SPTBN2: variants seen among roughly 807,000 people sequenced by gnomAD.
SPTBN2 encodes spectrin beta chain, non-erythrocytic 2.
SPTBN2 carries 107 observed loss-of-function variants against 284.2 expected under a neutral mutation model. The ratio of observed to expected loss-of-function variants is 0.38; its 90% CI spans 0.32 to 0.44. The LOEUF (loss-of-function observed/expected upper bound fraction) is 0.44. Ranked by LOEUF, SPTBN2 falls within the 20% of genes least tolerant of loss-of-function variation. The pLI is 1.00. For missense variants in SPTBN2, 2,569 were observed against 3,287.1 expected (o/e 0.78, Z 5.34); for synonymous variants, 1,289 against 1,354.8 (o/e 0.95, Z 1.07).
intron 1 of SPTBN2, among the ~76,000 whole-genome samples, chr11:66,736,023 C>A (rs907867409): frequency 6.6e-6 from 1 of 152,160 alleles, no homozygotes; most frequent in Admixed American, 6.5e-5. Flanking sequence ...ACCATGAAGT[C>A]AGCTTGGTCT....
chr11:66,693,186 C>A lies in SPTBN2; in HGVS notation c.4854G>T (p.Lys1618Asn), dbSNP rs1252296443. 1 of 1,614,100 alleles carries A rather than the reference C, an allele frequency of 6.2e-7. No homozygotes were observed. The highest frequency in any genetic ancestry group is 8.5e-7 in the Non-Finnish European group (1 of 1,180,046). ...CACTGGGCTCTGTCCTGGCCCTCAC[C>A]TTGGCCTTCTCCTGGCCCATCATGT... The part of the protein sequence containing the change: ...ELHMMGQEKA[K>N]DELSAQAEVK... Residue 1618 changes from lysine (K) to asparagine (N), a missense_variant and splice_region_variant, in exon 24 of 38, where the codon AAG (lysine) becomes AAT (asparagine). Transcript: ENST00000533211. This position sits in a 1 kb window ranked among gnomAD's most constrained non-coding sequence, Gnocchi z 5.7.
rs182219767 is a variant in SPTBN2, at chr11:66,718,144, C to T, written c.158-2163G>A. Among the ~76,000 whole-genome samples the T allele has an allele frequency of 6.6e-6, 1 of 152,240 alleles. No individual in the cohort carries two copies. The highest frequency in any genetic ancestry group is 2.4e-5 in the African/African-American group (1 of 41,468). ...TCCCCAGGTGCTGGCACCCCCACGC[C>T]CTCCATGGCTAGTTGCCTTTGCTCC... On this transcript the variant is annotated intron_variant, in intron 3 of 37. Transcript: ENST00000533211. The surrounding 1 kb of genome is among the most constrained non-coding windows in gnomAD (Gnocchi z 4.8).
intron 18 of SPTBN2, 28 bp from the exon 19 acceptor site, chr11:66,699,110 T>C (rs1260386486): frequency 1.2e-6 from 2 of 1,613,730 alleles, no homozygotes; most frequent in Admixed American, 3.3e-5. Flanking sequence ...TGTGAAACTC[T>C]GGAATTTGCT....
In SPTBN2 at chr11:66,710,279, A is replaced by G. The variant is rs758521594; in HGVS notation, c.1073+303T>C. On this transcript the variant is annotated intron_variant, in intron 10 of 37. Coordinates refer to ENST00000533211, the MANE Select transcript of SPTBN2 (RefSeq NM_006946.4). The surrounding 1 kb of genome is among the most constrained non-coding windows in gnomAD (Gnocchi z 4.9). ...AGGCTGGTCTCAAACTCCCGACCTC[A>G]GTAGAGATGGGGTTTCACCATGTTG... 1.3e-5 allele frequency among the ~76,000 whole-genome samples: 2 copies of G among 151,350 alleles called. No individual in the cohort carries two copies. The highest frequency in any genetic ancestry group is 2.9e-5 in the Non-Finnish European group (2 of 67,906).
rs1267087923 is a variant in SPTBN2, at chr11:66,692,771, A to C, written c.4986-31T>G. The C allele has an allele frequency of 3.8e-6, 6 of 1,599,660 alleles. No individual in the cohort carries two copies. The Admixed American group carries it at 5.0e-5, about 13-fold the overall frequency. ...AGAAGAGTGAGGGAGGCACTGTGGGACTTAGGGGTGTAGCTCTGACCTCCG... is the reference window on the plus strand; with the variant it reads ...AGAAGAGTGAGGGAGGCACTGTGGGCCTTAGGGGTGTAGCTCTGACCTCCG... On this transcript the variant is annotated intron_variant, in intron 25 of 37. Transcript: ENST00000533211.
chr11:66,725,191 G>T (rs1053177405), intron 1 of SPTBN2, among the ~76,000 whole-genome samples: 1 of 152,208 alleles, frequency 6.6e-6, no homozygotes, highest in African/African-American at 2.4e-5. Flanking sequence ...GGTGTCCTTA[G>T]ATCACAGACC....
chr11:66,704,472 A>T (rs748751134), intron 15 of SPTBN2, 126 bp downstream of exon 15: 90 of 1,174,876 alleles, frequency 7.7e-5, no homozygotes, highest in Non-Finnish European at 1.0e-4. Flanking sequence ...TTAAAACTAG[A>T]AATGGACAAC....
Position 66,708,855 on chromosome 11 carries a change from G to T in SPTBN2, c.1191+47C>A. On this transcript the variant is annotated intron_variant, in intron 11 of 37. Transcript: ENST00000533211. This position sits in a 1 kb window ranked among gnomAD's most constrained non-coding sequence, Gnocchi z 4.4. ...TTTGGGGATGTGTGCAAGGCATCTG[G>T]GCCAGGGCCTGCCCTGAGGGTGGGT... 6.6e-7 allele frequency: 1 copy of T among 1,523,470 alleles called. No individual in the cohort carries two copies. The highest frequency in any genetic ancestry group is 9.1e-7 in the Non-Finnish European group (1 of 1,098,740). 94.4% of individuals were successfully genotyped at this position (1,523,470 alleles called of 1,614,324 possible). A position where few individuals can be genotyped will look rare whatever the true frequency, so the allele number is the denominator to read the frequency against.
rs1246473144 is a variant in SPTBN2, at chr11:66,691,471, C to T, written c.5378G>A (p.Arg1793Gln). The change falls in exon 27 of 38, where the codon CGG becomes CAG. Residue 1793 changes from arginine to glutamine, a missense_variant. This residue lies in a region of SPTBN2 where 1,130 missense variants were observed against 1,317.3 expected (regional missense o/e 0.86). Coordinates refer to ENST00000533211, the MANE Select transcript of SPTBN2 (RefSeq NM_006946.4). This position sits in a 1 kb window ranked among gnomAD's most constrained non-coding sequence, Gnocchi z 8.0. ...WADLLELLDTRGQVLAAAYEL... is the reference protein window; with the variant it reads ...WADLLELLDTQGQVLAAAYEL... ...GTACGCCGCGGCCAGCACCTGACCCCGTGTGTCCAGCAGCTCAAGCAGGTC... is the reference window on the plus strand; with the variant it reads ...GTACGCCGCGGCCAGCACCTGACCCTGTGTGTCCAGCAGCTCAAGCAGGTC... The T allele has an allele frequency of 6.2e-6, 10 of 1,611,830 alleles. No homozygotes were observed. The highest frequency in any genetic ancestry group is 2.2e-5 in the East Asian group (1 of 44,874).
chr11:66,734,587 A>G (rs1359137726), intron 1 of SPTBN2, among the ~76,000 whole-genome samples: 1 of 152,142 alleles, frequency 6.6e-6, no homozygotes, highest in African/African-American at 2.4e-5. Flanking sequence ...TTTAGATGTT[A>G]CTTCCTCTGG....
In SPTBN2 at chr11:66,713,717, T is replaced by C; in HGVS notation, c.686A>G (p.Lys229Arg). 1 of 1,614,138 alleles carries C rather than the reference T, an allele frequency of 6.2e-7. No homozygotes were observed. The highest frequency in any genetic ancestry group is 8.5e-7 in the Non-Finnish European group (1 of 1,180,018). The change falls in exon 8 of 38, where the codon AAG becomes AGG. Residue 229 changes from lysine to arginine, a missense_variant. Transcript: ENST00000533211. ...RPDLLDFESL[K>R]KCNAHYNLQN... ...CAGATTATAGTGTGCATTACACTTCTTCAGAGACTCAAAATCCAGCAGGTC... is the reference window on the plus strand; with the variant it reads ...CAGATTATAGTGTGCATTACACTTCCTCAGAGACTCAAAATCCAGCAGGTC...
chr11:66,691,772 G>T lies in SPTBN2; in HGVS notation c.5191-114C>A. ...AGAACCCACCTCTCCCCGCTGCATGGGGGCCGGGACAGGTTTCTTCCCTGT... is the reference window on the plus strand; with the variant it reads ...AGAACCCACCTCTCCCCGCTGCATGTGGGCCGGGACAGGTTTCTTCCCTGT... On this transcript the variant is annotated intron_variant, in intron 26 of 37. Transcript: ENST00000533211. The surrounding 1 kb of genome is among the most constrained non-coding windows in gnomAD (Gnocchi z 8.0). 6.7e-7 allele frequency: 1 copy of T among 1,502,402 alleles called. No individual in the cohort carries two copies. The highest frequency in any genetic ancestry group is 1.2e-5 in the South Asian group (1 of 86,038). 93.1% of individuals were successfully genotyped at this position (1,502,402 alleles called of 1,614,324 possible). A position where few individuals can be genotyped will look rare whatever the true frequency, so the allele number is the denominator to read the frequency against.
chr11:66,739,497 T>A (rs563669490), intron 1 of SPTBN2, among the ~76,000 whole-genome samples: 1 of 152,256 alleles, frequency 6.6e-6, no homozygotes, highest in African/African-American at 2.4e-5. Context: ...TTTTAGAATA[T>A]GTGGAGTCAA....
intron 15 of SPTBN2, among the ~76,000 whole-genome samples, chr11:66,704,042 G>T (rs1442638950): frequency 6.8e-6 from 1 of 146,122 alleles, no homozygotes; most frequent in African/African-American, 2.6e-5. Flanking sequence ...GCACGATCTC[G>T]GCTCACTGCA....
In SPTBN2 at chr11:66,708,245, C is replaced by T. The variant is rs747373105; in HGVS notation, c.1246G>A (p.Glu416Lys). Residue 416 changes from glutamate to lysine, a missense_variant, in exon 12 of 38, where the codon GAG (glutamate) becomes AAG (lysine). Physicochemically the swap from Glu to Lys is moderately conservative, Grantham distance 56. This residue lies in a region of SPTBN2 where 1,012 missense variants were observed against 1,248.9 expected (regional missense o/e 0.81). Coordinates refer to ENST00000533211, the MANE Select transcript of SPTBN2 (RefSeq NM_006946.4). This position sits in a 1 kb window ranked among gnomAD's most constrained non-coding sequence, Gnocchi z 4.4. Reference protein sequence around the residue: ...EHERELALRTELIRQEKLEQL... With the variant: ...EHERELALRTKLIRQEKLEQL... ...TCCAGCTTCTCCTGGCGGATGAGCTCGGTGCGCAGGGCCAGCTCACGCTCG... is the reference window on the plus strand; with the variant it reads ...TCCAGCTTCTCCTGGCGGATGAGCTTGGTGCGCAGGGCCAGCTCACGCTCG... 11 of 1,610,072 alleles carry T rather than the reference C, an allele frequency of 6.8e-6. No homozygotes were observed. The highest frequency in any genetic ancestry group is 2.2e-5 in the East Asian group (1 of 44,812).
intron 26 of SPTBN2, 31 bp downstream of exon 26, chr11:66,692,505 G>T (rs2135350182): frequency 6.3e-7 from 1 of 1,598,668 alleles, no homozygotes; most frequent in East Asian, 2.2e-5. Context: ...TCCCACGGTT[G>T]ATCTGAGCTG....
intron 10 of SPTBN2, among the ~76,000 whole-genome samples, chr11:66,709,453 C>T (rs1379323031): frequency 6.6e-6 from 1 of 152,258 alleles, no homozygotes; most frequent in Non-Finnish European, 1.5e-5. Flanking sequence ...GCTGGGATTA[C>T]AGGCATGAGC....
intron 3 of SPTBN2, among the ~76,000 whole-genome samples, chr11:66,719,839 G>T (rs1444012133): frequency 6.6e-6 from 1 of 152,172 alleles, no homozygotes; most frequent in Non-Finnish European, 1.5e-5. Flanking sequence ...CCCCAAACAT[G>T]ACATTCTCCA....
rs895305045 is a variant in SPTBN2, at chr11:66,683,033, C to T, written c.*2838G>A. On this transcript the variant is annotated 3_prime_UTR_variant, in exon 38 of 38. Coordinates refer to ENST00000533211, the MANE Select transcript of SPTBN2 (RefSeq NM_006946.4). Reference sequence around the variant, plus strand: ...CTTCCCAAAGTGCTGGGATTATAAGCGTGAACCACCATGCCTGGCCAAGTA... The same window carrying T: ...CTTCCCAAAGTGCTGGGATTATAAGTGTGAACCACCATGCCTGGCCAAGTA... 2.7e-5 allele frequency among the ~76,000 whole-genome samples: 4 copies of T among 148,612 alleles called. No homozygotes were observed. In the East Asian group the frequency reaches 6.0e-4, roughly 22 times the overall value.
Sources: gnomAD v4.1 joint callset for allele counts (sites outside exome capture counted in the v4.1 genomes callset) on GRCh38, gnomAD v4.1.1 for gene constraint, gnomAD v4.1.1 regional missense constraint, Gnocchi (gnomAD v3.1) non-coding constraint, MANE v1.5 for transcripts, NCBI Gene and HGNC (gene_info 2026-07-23, HGNC 2026-07-21) for gene names.